REPS2: variants seen among roughly 807,000 people sequenced by gnomAD.
REPS2 encodes the protein RALBP1 associated Eps domain containing 2, also known as ralBP1-associated Eps domain-containing protein 2.
A neutral mutation model predicts 53.6 loss-of-function variants in REPS2; 23 were observed. The ratio of observed to expected loss-of-function variants is 0.43; its 90% CI spans 0.31 to 0.61. The LOEUF is 0.61. Among genes scored for constraint, REPS2 ranks in the 20% least tolerant of loss-of-function variants. The probability of loss-of-function intolerance (pLI) is 0.11; values close to 1 mark genes in which losing one functional copy is unlikely to be tolerated. For synonymous variants in REPS2, 238 were observed against 218.6 expected (o/e 1.09, Z -0.78); for missense variants, 446 against 534.9 (o/e 0.83, Z 1.64).
chrX:17,129,556 A>G (rs751177), intron 14 of REPS2, among the ~76,000 whole-genome samples: 2,782 of 112,014 alleles, frequency 0.025, 92 homozygotes, highest in African/African-American at 0.087. Context: ...AACACCATGC[A>G]GTGGTCTGTT....
chrX:16,955,849 C>T (rs138469290), intron 1 of REPS2, among the ~76,000 whole-genome samples: 3 of 112,076 alleles, frequency 2.7e-5, no homozygotes, highest in African/African-American at 9.7e-5. Flanking sequence ...ACTTGCTTTC[C>T]AGGATTTGTC....
chrX:17,013,707 G>T (rs981591322), intron 2 of REPS2, among the ~76,000 whole-genome samples: 1 of 110,133 alleles, frequency 9.1e-6, no homozygotes, highest in African/African-American at 3.3e-5. Context: ...ATACTATGTT[G>T]GGATGTCTCA....
intron 17 of REPS2, among the ~76,000 whole-genome samples, chrX:17,142,349 G>A (rs1035703334): frequency 3.6e-4 from 40 of 111,118 alleles, no homozygotes; most frequent in African/African-American, 1.3e-3. Context: ...TAAAAAAATT[G>A]GACTTCATCA....
chrX:17,041,423 G>T (rs1042857297), intron 5 of REPS2, among the ~76,000 whole-genome samples: 1 of 111,581 alleles, frequency 9.0e-6, no homozygotes, highest in Admixed American at 9.5e-5. Context: ...CCCCATGACT[G>T]ACCAATTTCC....
intron 5 of REPS2, among the ~76,000 whole-genome samples, chrX:17,042,527 A>G (rs1569143400): frequency 9.0e-6 from 1 of 111,428 alleles, no homozygotes; most frequent in East Asian, 2.8e-4. Context: ...TGAGCTACCA[A>G]ACAGACTCAT....
intron 1 of REPS2, among the ~76,000 whole-genome samples, chrX:16,968,477 C>G (rs1304257772): frequency 9.5e-6 from 1 of 105,603 alleles, no homozygotes; most frequent in Non-Finnish European, 2.0e-5. Flanking sequence ...GGGGCTGACA[C>G]CCCCACCTCC....
chrX:16,987,150 G>A (rs1329295208), intron 1 of REPS2, among the ~76,000 whole-genome samples: 1 of 110,128 alleles, frequency 9.1e-6, no homozygotes, highest in African/African-American at 3.3e-5. Flanking sequence ...GCCCAGGCTG[G>A]TCTTGAACTC....
the REPS2 span, among the ~76,000 whole-genome samples, chrX:17,177,105 AG>A: frequency 8.9e-6 from 1 of 112,267 alleles, no homozygotes; most frequent in East Asian, 2.8e-4. Context: ...CACATGATTT[AG>A]AGGCACTCCA....
rs1444916725 is a variant in REPS2, at chrX:17,022,166, G to C, written c.441G>C (p.Glu147Asp). The C allele has an allele frequency of 1.7e-6, 2 of 1,209,959 alleles. No individual in the cohort carries two copies. Among genetic ancestry groups the C allele is most frequent in the Middle Eastern group, 2.3e-4 (1 of 4,342 alleles). The change falls in exon 3 of 18, where the codon GAG (glutamate) becomes GAC (aspartate). Residue 147 changes from glutamate to aspartate, a missense_variant. Coordinates refer to ENST00000357277, the MANE Select transcript of REPS2 (RefSeq NM_004726.3). The stretch of plus-strand genomic sequence containing the variant: ...TTATGATGTCAAAGAATGATGGTGA[G>C]ATACGATTTGGGAACCCAGCTGAGC... The part of the protein sequence containing the change: ...PRFMMSKNDG[E>D]IRFGNPAELH...
intron 14 of REPS2, among the ~76,000 whole-genome samples, chrX:17,129,242 C>T (rs1043792534): frequency 8.9e-6 from 1 of 112,243 alleles, no homozygotes; most frequent in Non-Finnish European, 1.9e-5. Flanking sequence ...AAAGAAACCT[C>T]CCCACCTTAT....
chrX:17,074,401 T>G, intron 12 of REPS2: 1 of 322,582 alleles, frequency 3.1e-6, no homozygotes, highest in African/African-American at 2.7e-5. Context: ...CAACGTGAAG[T>G]GGATTGTGTG....
At chrX:17,155,486 A>G (rs1186142027), downstream of REPS2, among the ~76,000 whole-genome samples, 1 of 111,735 alleles carries the variant, frequency 8.9e-6, no homozygotes, top group Non-Finnish European at 1.9e-5. Flanking sequence ...TAGCAGATGG[A>G]TGTGGAATAT....
chrX:17,076,320 A>G (rs2062380799), intron 12 of REPS2, among the ~76,000 whole-genome samples: 1 of 111,892 alleles, frequency 8.9e-6, no homozygotes, highest in South Asian at 3.8e-4. Context: ...CTGCTTTGAC[A>G]TGAAGCTAGT....
chrX:17,100,399 G>T (rs777637517), intron 13 of REPS2, among the ~76,000 whole-genome samples: 1 of 112,612 alleles, frequency 8.9e-6, no homozygotes, highest in Non-Finnish European at 1.9e-5. Context: ...TGGCGCATTG[G>T]GTCGGCCAGG....
Position 16,969,083 on chromosome X carries a change from G to A in REPS2, c.273+21949G>A, listed in dbSNP as rs1256983317. Among the ~76,000 whole-genome samples, 9 of 106,841 alleles carry A rather than the reference G, an allele frequency of 8.4e-5. No individual in the cohort carries two copies. The East Asian group carries it at 9.1e-4, about 11-fold the overall frequency. 92.8% of individuals were successfully genotyped at this position (106,841 alleles called of 115,157 possible). On this transcript the variant is annotated intron_variant, in intron 1 of 17. Coordinates refer to ENST00000357277, the MANE Select transcript of REPS2 (RefSeq NM_004726.3). ...TGGGCAGAGACGCTCCTCACATCCC[G>A]GATGGGGCGGCAGGGCAGAGGCACT...
the REPS2 span, among the ~76,000 whole-genome samples, chrX:17,189,307 A>G: frequency 9.6e-6 from 1 of 104,590 alleles, no homozygotes; most frequent in African/African-American, 3.5e-5. Context: ...TTTTTTTTAG[A>G]CAGAGTCTCG....
At chrX:16,956,284 GTTTTTTTTTTTTT>G (rs869259012) in intron 1 of REPS2, among the ~76,000 whole-genome samples, 2 of 24,747 alleles carry the variant, frequency 8.1e-5, no homozygotes, top group African/African-American at 2.0e-4. Context: ...AACCACAGCA[GTTTTTTTTTTTTT>G]TTTTTTTTTT....
At chrX:17,139,280 A>G (rs1237655258) in intron 17 of REPS2, among the ~76,000 whole-genome samples, 1 of 112,057 alleles carries the variant, frequency 8.9e-6, no homozygotes, top group Non-Finnish European at 1.9e-5. Context: ...CATATTGTGT[A>G]TGAGTTAAAA....
intron 13 of REPS2, among the ~76,000 whole-genome samples, chrX:17,085,194 G>A (rs2062516635): frequency 8.9e-6 from 1 of 112,088 alleles, no homozygotes; most frequent in Non-Finnish European, 1.9e-5. Flanking sequence ...TAAACATAAG[G>A]ATTTATTTCT....
Sources: allele counts gnomAD v4.1 joint callset (sites outside exome capture counted in the v4.1 genomes callset), GRCh38; gene constraint gnomAD v4.1.1; transcripts MANE v1.5; gene names NCBI Gene and HGNC (gene_info 2026-07-23, HGNC 2026-07-21).